Variants in POLN observed in about 807,000 individuals in gnomAD.
POLN encodes the protein DNA polymerase N.
In POLN, 108 loss-of-function variants were observed where a neutral mutation model predicts 113.5. The observed-to-expected ratio is 0.95, with a 90% CI of 0.81 to 1.12. The LOEUF (loss-of-function observed/expected upper bound fraction) is 1.12. POLN is among the 50% of genes most tolerant of loss of function. POLN has a pLI of 0.00. For synonymous variants in POLN, 386 were observed against 391.5 expected (o/e 0.99, Z 0.17); for missense variants, 1,097 against 1,077.1 (o/e 1.02, Z -0.26).
chr4:2,225,964 G>A (rs1178985009), intron 3 of POLN, among the ~76,000 whole-genome samples: 1 of 152,030 alleles, frequency 6.6e-6, no homozygotes, highest in African/African-American at 2.4e-5. Context: ...ACTCCAGCCT[G>A]GGCGACAGAG....
rs1224945184 is a variant in POLN at position 2,242,056 on chromosome 4, G to A, written c.-289C>T. 8 of 985,752 alleles carry A rather than the reference G, an allele frequency of 8.1e-6. No individual in the cohort carries two copies. In the African/African-American group the frequency reaches 1.4e-4, roughly 17 times the overall value. The allele number at this position is 985,752 out of a possible 1,614,324, so 61.1% of individuals were successfully genotyped here. A position where few individuals can be genotyped will look rare whatever the true frequency, so the allele number is the denominator to read the frequency against. On this transcript the variant is annotated 5_prime_UTR_variant, in exon 1 of 26. Coordinates refer to ENST00000511885, the MANE Select transcript of POLN (RefSeq NM_181808.4). ...CCGAGGCCCGCGTCAGTCACCTCAG[G>A]AAGTTCCGCTTGCTTCTCGCAGGAG...
intron 3 of POLN, among the ~76,000 whole-genome samples, chr4:2,218,905 T>C (rs996587842): frequency 1.3e-5 from 2 of 152,194 alleles, no homozygotes; most frequent in African/African-American, 4.8e-5. Context: ...GTGAATTAAA[T>C]GAACATATGA....
Position 2,208,248 on chromosome 4 carries a change from G to A in POLN, c.453C>T (p.Ser151=). ...TAATATGTTTTCTTTTAAGATTAAT[G>A]CTTCCTTTATTTTCATTATTTATAT... ...MENINNENKG[S]INLKRKHITY... The change falls in exon 5 of 26, where the codon AGC becomes AGT. Residue 151 remains serine, a synonymous_variant. Coordinates refer to ENST00000511885, the MANE Select transcript of POLN (RefSeq NM_181808.4). 6.3e-7 allele frequency: 1 copy of A among 1,586,102 alleles called. No homozygotes were observed.
At chr4:2,231,024 G>A (rs910625666) in intron 2 of POLN, 1 of 152,178 alleles carries the variant, frequency 6.6e-6, no homozygotes, top group African/African-American at 2.4e-5. Context: ...TGATGTGTAA[G>A]TCACATTAAA....
At chr4:2,152,368 G>T (rs571114140) in intron 16 of POLN, among the ~76,000 whole-genome samples, 1 of 143,138 alleles carries the variant, frequency 7.0e-6, no homozygotes, top group Admixed American at 7.1e-5. Context: ...AGGAGACAAG[G>T]TCTTGCTCTG....
At chr4:2,216,991 A>C (rs1169534901) in intron 3 of POLN, among the ~76,000 whole-genome samples, 1 of 152,216 alleles carries the variant, frequency 6.6e-6, no homozygotes, top group African/African-American at 2.4e-5. Flanking sequence ...CTAGATGTCA[A>C]CTGGCCAAGT....
Position 2,208,432 on chromosome 4 carries a change from TGAG to T in POLN, c.266_268del (p.Pro89del), listed in dbSNP as rs1733912052. The T allele has an allele frequency of 1.9e-6, 3 of 1,590,246 alleles. No individual in the cohort carries two copies. The highest frequency in any genetic ancestry group is 2.6e-6 in the Non-Finnish European group (3 of 1,172,918). ...ATCTGTGAGCCTGACACTGAAGGAC[TGAG>T]GAGACAGCTTGGCAGAACCTCTTGA... On this transcript the variant is annotated inframe_deletion, in exon 5 of 26. Transcript: ENST00000511885.
rs766085276 is a variant in POLN at position 2,071,963 on chromosome 4, G to C, written c.*151C>G. ...AATTCACTCAGACAAGGATGAGGAG[G>C]GCTTTGCACAGGCATTTACTCCAGG... On this transcript the variant is annotated 3_prime_UTR_variant, in exon 26 of 26. Transcript: ENST00000511885. This position sits in a 1 kb window ranked among gnomAD's most constrained non-coding sequence, Gnocchi z 5.2. The C allele has an allele frequency of 2.3e-6, 2 of 861,678 alleles. No homozygotes were observed. The highest frequency in any genetic ancestry group is 3.8e-5 in the Admixed American group (2 of 52,806). The allele number at this position is 861,678 out of a possible 1,614,324, so 53.4% of individuals were successfully genotyped here. A position where few individuals can be genotyped will look rare whatever the true frequency, so the allele number is the denominator to read the frequency against.
intron 2 of POLN, among the ~76,000 whole-genome samples, chr4:2,241,304 G>A: frequency 6.6e-6 from 1 of 152,100 alleles, no homozygotes; most frequent in East Asian, 1.9e-4. Context: ...ACAAGAAAGT[G>A]GATCTATTTG....
chr4:2,170,167 T>C (rs772844514), intron 13 of POLN, among the ~76,000 whole-genome samples: 9 of 152,246 alleles, frequency 5.9e-5, no homozygotes, highest in Non-Finnish European at 1.0e-4. Context: ...TTCACTTATT[T>C]ACTGACTTCC....
intron 3 of POLN, among the ~76,000 whole-genome samples, chr4:2,218,277 CAAAAAAA>C (rs376746658): frequency 1.1e-5 from 1 of 89,802 alleles, no homozygotes; most frequent in Admixed American, 1.1e-4. Context: ...ACTAAAAATA[CAAAAAAA>C]AAAAAAAAAA....
chr4:2,174,602 C>A, intron 10 of POLN, 89 bp downstream of exon 10: 1 of 1,126,400 alleles, frequency 8.9e-7, no homozygotes, highest in Non-Finnish European at 1.3e-6. Context: ...ACTATCTACT[C>A]CTAAGTAAGG....
chr4:2,235,326 C>T lies in POLN; in HGVS notation c.-12-6083G>A, dbSNP rs143702101. ...CCTTTCAAAAAACAAATCACAGATACCACTTCACACCCGTTGGGATGGCTA... is the reference window on the plus strand; with the variant it reads ...CCTTTCAAAAAACAAATCACAGATATCACTTCACACCCGTTGGGATGGCTA... On this transcript the variant is annotated intron_variant, in intron 2 of 25. Transcript: ENST00000511885. 2.1e-3 allele frequency among the ~76,000 whole-genome samples: 320 copies of T among 152,294 alleles called. 1 individual carries two copies. Among genetic ancestry groups the T allele is most frequent in the African/African-American group, 7.2e-3 (300 of 41,556 alleles).
At chr4:2,183,163 G>A (rs1733185175) in intron 7 of POLN, among the ~76,000 whole-genome samples, 1 of 152,170 alleles carries the variant, frequency 6.6e-6, no homozygotes, top group Admixed American at 6.5e-5. Flanking sequence ...AACACGTATT[G>A]GGCAAGGATG....
chr4:2,205,480 G>A (rs1733819034), intron 5 of POLN, among the ~76,000 whole-genome samples: 1 of 152,184 alleles, frequency 6.6e-6, no homozygotes, highest in African/African-American at 2.4e-5. Context: ...TCATGGAAGG[G>A]TAGAATCAAT....
At chr4:2,159,084 T>C (rs1577729999) in intron 14 of POLN, 71 bp downstream of exon 14, 8 of 1,176,180 alleles carry the variant, frequency 6.8e-6, no homozygotes, top group Non-Finnish European at 8.9e-6. Context: ...TGGATTTGTG[T>C]TGACAGACAC....
At chr4:2,083,621 C>T (rs1007352791) in intron 21 of POLN, among the ~76,000 whole-genome samples, 2 of 152,268 alleles carry the variant, frequency 1.3e-5, no homozygotes, top group African/African-American at 4.8e-5. Flanking sequence ...ACTCGAGGTG[C>T]CTTCCGGCCC....
At chr4:2,152,176 C>T (rs999348951) in intron 16 of POLN, among the ~76,000 whole-genome samples, 3 of 151,282 alleles carry the variant, frequency 2.0e-5, no homozygotes, top group East Asian at 1.9e-4. Context: ...GGACCATAGG[C>T]GTGCACCACC....
chr4:2,076,593 A>C (rs1730281586), intron 23 of POLN: 1 of 152,250 alleles, frequency 6.6e-6, no homozygotes, highest in Admixed American at 6.5e-5. Flanking sequence ...TCCTGGATCG[A>C]GTCTTCAGGG....
Sources: gnomAD v4.1 joint callset for allele counts (sites outside exome capture counted in the v4.1 genomes callset) on GRCh38, gnomAD v4.1.1 for gene constraint, Gnocchi (gnomAD v3.1) non-coding constraint, MANE v1.5 for transcripts, NCBI Gene and HGNC (gene_info 2026-07-23, HGNC 2026-07-21) for gene names.